VAV3: variants seen among roughly 807,000 people sequenced by gnomAD.
VAV3 encodes the protein guanine nucleotide exchange factor VAV3.
In VAV3, 94 loss-of-function variants were observed where a neutral mutation model predicts 131.2. The observed-to-expected ratio is 0.72, with a 90% CI of 0.61 to 0.85. VAV3 has a LOEUF of 0.85. Ranked by LOEUF, VAV3 falls within the 40% of genes least tolerant of loss-of-function variation. VAV3 has a pLI of 0.00. For synonymous variants in VAV3, 349 were observed against 342.0 expected, an observed-to-expected ratio of 1.02 and a Z score of -0.22; for missense variants, 939 against 1,002.7, an observed-to-expected ratio of 0.94 and a Z score of 0.86.
intron 26 of VAV3, among the ~76,000 whole-genome samples, chr1:107,573,611 G>A (rs1323271574): frequency 6.6e-6 from 1 of 152,178 alleles, no homozygotes; most frequent in Non-Finnish European, 1.5e-5. Flanking sequence ...TGTAAATTAA[G>A]TATAATACAG....
chr1:107,943,958 C>CAGGACCAGTGCATCCTGCACTTGCT (rs1674123513), intron 1 of VAV3, among the ~76,000 whole-genome samples: 2 of 152,228 alleles, frequency 1.3e-5, no homozygotes, highest in Non-Finnish European at 2.9e-5. Context: ...CTCCACTTGC[C>CAGGACCAGTGCATCCTGCACTTGCT]AGGACCAGTG....
chr1:107,659,680 GCTT>G (rs1656862166), intron 19 of VAV3, among the ~76,000 whole-genome samples: 1 of 152,220 alleles, frequency 6.6e-6, no homozygotes, highest in African/African-American at 2.4e-5. Flanking sequence ...TGCCTACTGA[GCTT>G]CTACTATACA....
intron 21 of VAV3, among the ~76,000 whole-genome samples, chr1:107,613,064 A>G (rs1652875862): frequency 6.6e-6 from 1 of 152,078 alleles, no homozygotes; most frequent in Non-Finnish European, 1.5e-5. Flanking sequence ...GTCCAATAGG[A>G]GCTATTCAAC....
chr1:107,631,741 C>T (rs1028374009), intron 20 of VAV3, among the ~76,000 whole-genome samples: 3 of 148,864 alleles, frequency 2.0e-5, no homozygotes, highest in Non-Finnish European at 3.0e-5. Flanking sequence ...GGTTTTTTGT[C>T]CTTGCGATAA....
intron 2 of VAV3, among the ~76,000 whole-genome samples, chr1:107,830,199 A>G (rs1480570358): frequency 1.3e-5 from 2 of 151,798 alleles, no homozygotes; most frequent in Non-Finnish European, 2.9e-5. Flanking sequence ...ATAAGACATA[A>G]TTACACACTT....
At chr1:107,576,349 C>T in intron 25 of VAV3, 1 of 1,445,820 alleles carries the variant, frequency 6.9e-7, no homozygotes, top group South Asian at 1.4e-5. Context: ...TATTTGCAAG[C>T]AGAAGCAAGT....
intron 15 of VAV3, among the ~76,000 whole-genome samples, chr1:107,722,819 C>G (rs1293014022): frequency 6.8e-6 from 1 of 146,900 alleles, no homozygotes; most frequent in East Asian, 2.1e-4. Context: ...AAAGTAGTGT[C>G]AGAAAGCCCT....
chr1:107,784,650 C>T (rs1033967797), intron 2 of VAV3, among the ~76,000 whole-genome samples: 17 of 152,164 alleles, frequency 1.1e-4, no homozygotes, highest in Non-Finnish European at 2.2e-4. Context: ...AATCTGACAA[C>T]GGAAAATTTC....
At chr1:107,729,462 TA>T (rs200408211) in intron 15 of VAV3, among the ~76,000 whole-genome samples, 25 of 151,308 alleles carry the variant, frequency 1.7e-4, no homozygotes, top group South Asian at 4.2e-4. Context: ...AACCTGAGTT[TA>T]AAAAAAAACA....
intron 17 of VAV3, among the ~76,000 whole-genome samples, chr1:107,699,504 C>T (rs1659960289): frequency 1.3e-5 from 2 of 152,200 alleles, no homozygotes; most frequent in African/African-American, 2.4e-5. Flanking sequence ...GTGGGTGGAC[C>T]TACCATTGTG....
intron 15 of VAV3, among the ~76,000 whole-genome samples, chr1:107,723,742 G>A (rs1226436383): frequency 6.6e-6 from 1 of 151,874 alleles, no homozygotes; most frequent in Non-Finnish European, 1.5e-5. Flanking sequence ...AAAACAATCT[G>A]AGATGATGTC....
chr1:107,879,932 CACTAGGCATAATGA>C (rs1320808304), intron 1 of VAV3, among the ~76,000 whole-genome samples: 1 of 152,178 alleles, frequency 6.6e-6, no homozygotes, highest in Non-Finnish European at 1.5e-5. Context: ...GCCTCTTATG[CACTAGGCATAATGA>C]AACTCCATAA....
At chr1:107,804,156 G>T (rs79729985) in intron 2 of VAV3, among the ~76,000 whole-genome samples, 22,930 of 151,898 alleles carry the variant, frequency 0.15, 1,994 homozygotes, top group East Asian at 0.29. Flanking sequence ...GTTTCTTCTA[G>T]GAAGCATATA....
chr1:107,611,343 C>G (rs574647484), intron 21 of VAV3, among the ~76,000 whole-genome samples: 53 of 152,082 alleles, frequency 3.5e-4, no homozygotes, highest in African/African-American at 1.2e-3. Context: ...TTTTTAAAAT[C>G]ACAACTTTGT....
chr1:107,654,846 T>C (rs1393047938), intron 19 of VAV3, among the ~76,000 whole-genome samples: 2 of 152,004 alleles, frequency 1.3e-5, no homozygotes, highest in Non-Finnish European at 2.9e-5. Context: ...TGGCTTCTAA[T>C]CATATGAAAA....
At chr1:107,631,358 A>G (rs1654466140) in intron 20 of VAV3, among the ~76,000 whole-genome samples, 1 of 152,136 alleles carries the variant, frequency 6.6e-6, no homozygotes, top group African/African-American at 2.4e-5. Flanking sequence ...TGGTCCCTAC[A>G]CAGTACATTT....
intron 1 of VAV3, among the ~76,000 whole-genome samples, chr1:107,923,248 C>T (rs919716819): frequency 1.3e-5 from 2 of 152,016 alleles, no homozygotes; most frequent in African/African-American, 4.8e-5. Context: ...TGCTTAACCC[C>T]CAACTAATAA....
intron 17 of VAV3, among the ~76,000 whole-genome samples, chr1:107,701,870 C>A (rs143445436): frequency 3.9e-4 from 60 of 152,308 alleles, no homozygotes; most frequent in African/African-American, 1.1e-3. Flanking sequence ...ACACCATTAT[C>A]AGCACTTTGG....
At chr1:107,847,458 C>T (rs1669021023) in intron 2 of VAV3, among the ~76,000 whole-genome samples, 1 of 151,874 alleles carries the variant, frequency 6.6e-6, no homozygotes, top group Admixed American at 6.6e-5. Flanking sequence ...TACAAAAAAC[C>T]CTTCAAAAAA....
Sources: gnomAD v4.1 joint callset for allele counts (sites outside exome capture counted in the v4.1 genomes callset) on GRCh38, gnomAD v4.1.1 for gene constraint, MANE v1.5 for transcripts, NCBI Gene and HGNC (gene_info 2026-07-23, HGNC 2026-07-21) for gene names.